The following LINGO2 variants were observed in gnomAD, a reference collection of about 807,000 sequenced individuals.
The protein encoded by LINGO2 is leucine-rich repeat and immunoglobulin-like domain-containing nogo receptor-interacting protein 2.
LINGO2 carries 14 observed loss-of-function variants against 30.6 expected under a neutral mutation model. The ratio of observed to expected loss-of-function variants is 0.46; its 90% CI spans 0.30 to 0.72. The LOEUF (loss-of-function observed/expected upper bound fraction) is 0.72. LINGO2 is among the 30% of genes least tolerant of loss of function. The pLI is 0.07. For missense variants in LINGO2, 729 were observed against 751.7 expected, an observed-to-expected ratio of 0.97 and a Z score of 0.35; for synonymous variants, 317 against 288.5, an observed-to-expected ratio of 1.10 and a Z score of -1.00.
the LINGO2 span, among the ~76,000 whole-genome samples, chr9:28,962,354 TA>T: frequency 2.0e-5 from 3 of 152,110 alleles, no homozygotes; most frequent in Non-Finnish European, 4.4e-5. Context: ...ATACAGATAG[TA>T]AATGTCAACA....
the LINGO2 span, among the ~76,000 whole-genome samples, chr9:28,845,995 T>A: frequency 1.5e-5 from 1 of 68,848 alleles, no homozygotes; most frequent in Non-Finnish European, 2.7e-5. Context: ...TAGAAAATAA[T>A]GCTGTATCAA....
At chr9:28,274,367 G>T (rs1823044653) in intron 4 of LINGO2, among the ~76,000 whole-genome samples, 1 of 152,072 alleles carries the variant, frequency 6.6e-6, no homozygotes, top group East Asian at 1.9e-4. Context: ...AATTTAAAAT[G>T]CATGGCTAAT....
At position 28,047,013 on chromosome 9, in the gene LINGO2, G is replaced by A. The variant is rs937949028; in HGVS notation, c.-86-34608C>T. Among the ~76,000 whole-genome samples, 68 of 152,082 alleles carry A rather than the reference G, an allele frequency of 4.5e-4. 1 individual carries two copies. Among genetic ancestry groups the A allele is most frequent in the African/African-American group, 1.6e-3 (67 of 41,426 alleles). ...AGATAAATGCTGCTGCTGGGAATAG[G>A]CCTCCCCTAGCAGCCCCTAAGTAAT... On this transcript the variant is annotated intron_variant, in intron 4 of 5. Transcript: ENST00000379992.
intron 3 of LINGO2, among the ~76,000 whole-genome samples, chr9:28,328,345 G>T (rs537878612): frequency 7.2e-5 from 11 of 152,276 alleles, no homozygotes; most frequent in African/African-American, 2.6e-4. Flanking sequence ...CCAATGTGTT[G>T]TGATAATTAG....
chr9:28,942,477 A>G, the LINGO2 span, among the ~76,000 whole-genome samples: 1 of 152,206 alleles, frequency 6.6e-6, no homozygotes, highest in Non-Finnish European at 1.5e-5. Context: ...ATGGGCCATG[A>G]CATCAGAAGT....
intron 1 of LINGO2, among the ~76,000 whole-genome samples, chr9:28,486,562 C>A (rs1306859992): frequency 6.6e-6 from 1 of 152,132 alleles, no homozygotes; most frequent in African/African-American, 2.4e-5. Context: ...CATGTGTGTG[C>A]ATGCATGTAT....
intron 3 of LINGO2, among the ~76,000 whole-genome samples, chr9:28,357,218 A>G (rs912779073): frequency 3.9e-5 from 6 of 151,922 alleles, no homozygotes; most frequent in African/African-American, 1.2e-4. Flanking sequence ...TACTTATTCT[A>G]TAGGCTTAAA....
chr9:28,607,115 C>T (rs955675564), intron 1 of LINGO2, among the ~76,000 whole-genome samples: 1 of 151,964 alleles, frequency 6.6e-6, no homozygotes, highest in African/African-American at 2.4e-5. Context: ...TAAAACAATG[C>T]TTCTCAAAGA....
chr9:29,007,306 T>TAC, the LINGO2 span, among the ~76,000 whole-genome samples: 1 of 152,120 alleles, frequency 6.6e-6, no homozygotes, highest in Non-Finnish European at 1.5e-5. Context: ...CTTTATTTAG[T>TAC]ACATCCAGAT....
At chr9:29,212,788 C>T in the LINGO2 span, among the ~76,000 whole-genome samples, 2 of 152,180 alleles carry the variant, frequency 1.3e-5, no homozygotes, top group African/African-American at 4.8e-5. Flanking sequence ...CCCTGACTTG[C>T]CAGGCGGGTC....
chr9:28,550,272 T>G (rs763717828), intron 1 of LINGO2, among the ~76,000 whole-genome samples: 1 of 151,870 alleles, frequency 6.6e-6, no homozygotes, highest in Non-Finnish European at 1.5e-5. Flanking sequence ...TCTCTCATTT[T>G]ATGTGCTATG....
the LINGO2 span, among the ~76,000 whole-genome samples, chr9:28,909,758 T>G: frequency 8.6e-5 from 13 of 152,034 alleles, no homozygotes; most frequent in African/African-American, 2.2e-4. Context: ...GAATTGGAAG[T>G]TGCTAAAGAG....
chr9:28,469,430 G>T (rs1825435042), intron 2 of LINGO2, among the ~76,000 whole-genome samples: 2 of 152,024 alleles, frequency 1.3e-5, no homozygotes, highest in Admixed American at 1.3e-4. Context: ...TGAAAACTTT[G>T]CAAATTTGAG....
chr9:28,091,052 A>G (rs1206550072), intron 4 of LINGO2, among the ~76,000 whole-genome samples: 1 of 152,232 alleles, frequency 6.6e-6, no homozygotes, highest in Non-Finnish European at 1.5e-5. Flanking sequence ...CCACTGCTCA[A>G]CGAAATAAAA....
At chr9:28,845,245 A>G in the LINGO2 span, among the ~76,000 whole-genome samples, 1 of 152,008 alleles carries the variant, frequency 6.6e-6, no homozygotes, top group East Asian at 1.9e-4. Flanking sequence ...GAGTTGAAGA[A>G]CAGTTATTGT....
At chr9:28,662,004 T>A (rs1345452944) in intron 1 of LINGO2, among the ~76,000 whole-genome samples, 1 of 152,306 alleles carries the variant, frequency 6.6e-6, no homozygotes, top group Middle Eastern at 3.4e-3. Context: ...CACAGCATAA[T>A]GGAAATGGCA....
At chr9:28,311,240 G>T (rs1391209369) in intron 3 of LINGO2, among the ~76,000 whole-genome samples, 2 of 152,076 alleles carry the variant, frequency 1.3e-5, no homozygotes, top group Non-Finnish European at 2.9e-5. Context: ...CAAGGTAATA[G>T]AATATCACAA....
intron 4 of LINGO2, among the ~76,000 whole-genome samples, chr9:28,067,930 C>T (rs561020740): frequency 6.6e-6 from 1 of 152,194 alleles, no homozygotes; most frequent in Admixed American, 6.6e-5. Context: ...CCACTGAGAC[C>T]TCAGTCTGTT....
At chr9:28,948,864 T>C in the LINGO2 span, among the ~76,000 whole-genome samples, 2 of 151,984 alleles carry the variant, frequency 1.3e-5, no homozygotes, top group South Asian at 2.1e-4. Context: ...TGGATTTCTA[T>C]TTTTACGAAT....
Sources: gnomAD v4.1 joint callset for allele counts (sites outside exome capture counted in the v4.1 genomes callset) on GRCh38, gnomAD v4.1.1 for gene constraint, MANE v1.5 for transcripts, NCBI Gene and HGNC (gene_info 2026-07-23, HGNC 2026-07-21) for gene names.